The following CHID1 variants were observed in gnomAD, a reference collection of about 807,000 sequenced individuals.
CHID1 encodes the protein chitinase domain-containing protein 1.
A neutral mutation model predicts 55.4 loss-of-function variants in CHID1; 44 were observed. The observed-to-expected ratio is 0.79, with a 90% CI of 0.62 to 1.02. The LOEUF (loss-of-function observed/expected upper bound fraction) is 1.02. Ranked by LOEUF, CHID1 falls within the 50% of genes least tolerant of loss-of-function variation. The probability of loss-of-function intolerance (pLI) is 0.00; values close to 1 mark genes in which losing one functional copy is unlikely to be tolerated. For synonymous variants in CHID1, 216 were observed against 212.9 expected, an observed-to-expected ratio of 1.01 and a Z score of -0.13; for missense variants, 491 against 515.3, an observed-to-expected ratio of 0.95 and a Z score of 0.46.
In CHID1 at chr11:885,965, A is replaced by G. The variant is rs992535383; in HGVS notation, c.702-1796T>C. 1.1e-4 allele frequency among the ~76,000 whole-genome samples: 17 copies of G among 151,992 alleles called. No homozygotes were observed. In the East Asian group the frequency reaches 2.5e-3, roughly 23 times the overall value. On this transcript the variant is annotated intron_variant, in intron 8 of 12. Transcript: ENST00000323578. ...CAGGAGATCGAGACCATCCTAACAC[A>G]GTGAAACCCCGTCTCTACTAAAAAT...
chr11:887,107 C>G (rs1850462415), intron 8 of CHID1, among the ~76,000 whole-genome samples: 2 of 152,098 alleles, frequency 1.3e-5, no homozygotes, highest in Non-Finnish European at 2.9e-5. Flanking sequence ...AATCTCGGCT[C>G]ACTACAGCCT....
Position 905,000 on chromosome 11 carries a change from G to A in CHID1, c.-43-141C>T, listed in dbSNP as rs566444321. On this transcript the variant is annotated intron_variant, in intron 1 of 12. Coordinates refer to ENST00000323578, the MANE Select transcript of CHID1 (RefSeq NM_023947.4). ...ATGGACCCTTGGCCACTGGGACAGA[G>A]CCCTGACCTGGACCAGCCCTGGCGG... The A allele has an allele frequency of 4.4e-6, 4 of 906,732 alleles. No individual in the cohort carries two copies. In the African/African-American group the frequency reaches 6.6e-5, roughly 15 times the overall value. The allele number at this position is 906,732 out of a possible 1,614,324, so 56.2% of individuals were successfully genotyped here. A position where few individuals can be genotyped will look rare whatever the true frequency, so the allele number is the denominator to read the frequency against.
Position 868,166 on chromosome 11 carries a change from C to T in CHID1, c.*1692G>A, listed in dbSNP as rs1848973124. On this transcript the variant is annotated 3_prime_UTR_variant, in exon 13 of 13. Transcript: ENST00000323578. ...CACCCTCCCAGACCTGCGTGTCCCC[C>T]ACCCTCACTCCAACAGAAGCCACAG... 6.6e-6 allele frequency: 1 copy of T among 152,036 alleles called. No homozygotes were observed. The highest frequency in any genetic ancestry group is 1.5e-5 in the Non-Finnish European group (1 of 68,042). The allele number at this position is 152,036 out of a possible 1,614,324, so 9.4% of individuals were successfully genotyped here. A position where few individuals can be genotyped will look rare whatever the true frequency, so the allele number is the denominator to read the frequency against.
At chr11:884,006 C>G (rs2134181565) in intron 9 of CHID1, 62 bp downstream of exon 9, 1 of 1,325,056 alleles carries the variant, frequency 7.5e-7, no homozygotes, top group Non-Finnish European at 1.1e-6. Flanking sequence ...CCCCCCAGGT[C>G]CACACTCACT....
chr11:888,490 G>A (rs537302412), intron 8 of CHID1, among the ~76,000 whole-genome samples: 25 of 152,376 alleles, frequency 1.6e-4, no homozygotes, highest in African/African-American at 5.8e-4. Flanking sequence ...TCCGTGCCCC[G>A]TGGCACCTGG....
chr11:869,388 G>C lies in CHID1; in HGVS notation c.*470C>G, dbSNP rs531315374. 17 of 171,266 alleles carry C rather than the reference G, an allele frequency of 9.9e-5. No individual in the cohort carries two copies. Among genetic ancestry groups the C allele is most frequent in the Non-Finnish European group, 1.9e-4 (15 of 79,918 alleles). The allele number at this position is 171,266 out of a possible 1,614,324, so 10.6% of individuals were successfully genotyped here. On this transcript the variant is annotated 3_prime_UTR_variant, in exon 13 of 13. Transcript: ENST00000323578. ...GCTGTGGCTGGCCAGGTGGGTGGCA[G>C]GTATGTGGGGGTGGAGCTCTCAGCT...
chr11:876,510 G>A (rs1472130630), intron 10 of CHID1, among the ~76,000 whole-genome samples: 6 of 152,156 alleles, frequency 3.9e-5, no homozygotes, highest in Non-Finnish European at 8.8e-5. Flanking sequence ...ACTCGTAGAC[G>A]GGACTCTGGC....
intron 7 of CHID1, among the ~76,000 whole-genome samples, chr11:896,713 C>T (rs1399116693): frequency 1.4e-5 from 2 of 142,034 alleles, no homozygotes; most frequent in Non-Finnish European, 3.1e-5. Flanking sequence ...CACCCCCAGC[C>T]TCCACCCCAG....
At chr11:890,181 A>G (rs1033004044) in intron 8 of CHID1, among the ~76,000 whole-genome samples, 2 of 152,158 alleles carry the variant, frequency 1.3e-5, no homozygotes, top group Non-Finnish European at 2.9e-5. Flanking sequence ...GCCTGACCTC[A>G]GCCTGGACCT....
chr11:911,259 G>A (rs904014534), upstream of CHID1: 7 of 151,984 alleles, frequency 4.6e-5, no homozygotes, highest in African/African-American at 1.7e-4. Flanking sequence ...CCGCCTGAGT[G>A]GACCATCTCC....
chr11:881,183 C>G (rs1050721621), intron 10 of CHID1, among the ~76,000 whole-genome samples: 3 of 152,162 alleles, frequency 2.0e-5, no homozygotes, highest in Non-Finnish European at 4.4e-5. Context: ...GTGGCTCACG[C>G]GTGTCATCGC....
chr11:883,983 C>G, intron 9 of CHID1, 85 bp downstream of exon 9: 3 of 1,048,480 alleles, frequency 2.9e-6, no homozygotes, highest in Middle Eastern at 2.1e-4. Context: ...AGGGCATCAG[C>G]TGTGCCCAGG....
Position 883,323 on chromosome 11 carries a change from C to T in CHID1, c.804-20G>A, listed in dbSNP as rs776973949. The T allele has an allele frequency of 1.1e-5, 17 of 1,596,498 alleles. No homozygotes were observed. Among genetic ancestry groups the T allele is most frequent in the Non-Finnish European group, 1.5e-5 (17 of 1,167,706 alleles). On this transcript the variant is annotated intron_variant, in intron 9 of 12. Transcript: ENST00000323578. The stretch of plus-strand genomic sequence containing the variant: ...CCAGGCCTGCAGGGCAAGGGGTGAG[C>T]GAGTTTCAGCAACAGGGAGGGCCCC...
rs1409994011 is a variant in CHID1 at position 875,065 on chromosome 11, A to G, written c.960-4566T>C. 6.6e-6 allele frequency among the ~76,000 whole-genome samples: 1 copy of G among 152,122 alleles called. No individual in the cohort carries two copies. The highest frequency in any genetic ancestry group is 2.4e-5 in the African/African-American group (1 of 41,414). ...GGAGCTGCTTCTGGCTGGTGGGAGG[A>G]GGGGCTTGCAGGCTCGGGCCAGGGC... On this transcript the variant is annotated intron_variant, in intron 10 of 12. Transcript: ENST00000323578. This position sits in a 1 kb window ranked among gnomAD's most constrained non-coding sequence, Gnocchi z 4.7.
chr11:884,687 CG>C (rs1850262263), intron 8 of CHID1, among the ~76,000 whole-genome samples: 1 of 152,204 alleles, frequency 6.6e-6, no homozygotes, highest in Non-Finnish European at 1.5e-5. Flanking sequence ...AGCAGGTAGA[CG>C]GGAAGGACAA....
At chr11:903,742 T>C (rs1851998374) in intron 2 of CHID1, 2 of 218,430 alleles carry the variant, frequency 9.2e-6, no homozygotes, top group South Asian at 4.6e-5. Flanking sequence ...GATCGCGCCA[T>C]TGCGCTCCAG....
intron 1 of CHID1, among the ~76,000 whole-genome samples, chr11:906,505 C>T (rs572978913): frequency 2.4e-4 from 37 of 152,130 alleles, no homozygotes; most frequent in African/African-American, 7.7e-4. Context: ...AATGAGCCAC[C>T]GCGCCCAGCC....
intron 12 of CHID1, 46 bp downstream of exon 12, chr11:870,075 G>A (rs769175892): frequency 1.1e-5 from 17 of 1,610,950 alleles, no homozygotes; most frequent in Admixed American, 5.0e-5. Context: ...CTGTGCTGTC[G>A]CATGGCCCAC....
intron 5 of CHID1, among the ~76,000 whole-genome samples, chr11:900,369 G>A (rs4963181): frequency 0.083 from 12,564 of 152,226 alleles, 604 homozygotes; most frequent in Middle Eastern, 0.17. Context: ...CTCCCCACAC[G>A]GCTCAGCATG....
Sources: allele counts gnomAD v4.1 joint callset (sites outside exome capture counted in the v4.1 genomes callset), GRCh38; gene constraint gnomAD v4.1.1; non-coding constraint Gnocchi (gnomAD v3.1); transcripts MANE v1.5; gene names NCBI Gene and HGNC (gene_info 2026-07-23, HGNC 2026-07-21).